Variants in TTC27 observed in about 807,000 individuals in gnomAD.
The protein encoded by TTC27 is tetratricopeptide repeat domain 27.
In TTC27, 79 loss-of-function variants were observed where a neutral mutation model predicts 115.9. The ratio of observed to expected loss-of-function variants is 0.68; its 90% CI spans 0.57 to 0.82. TTC27 has a LOEUF of 0.82. Ranked by LOEUF, TTC27 falls within the 40% of genes least tolerant of loss-of-function variation. TTC27 has a pLI of 0.00. For synonymous variants in TTC27, 401 were observed against 356.0 expected, an observed-to-expected ratio of 1.13 and a Z score of -1.42; for missense variants, 1,054 against 993.1, an observed-to-expected ratio of 1.06 and a Z score of -0.82.
At chr2:32,702,733 A>G in intron 9 of TTC27, 74 bp from the exon 10 acceptor site, 1 of 947,356 alleles carries the variant, frequency 1.1e-6, no homozygotes, top group South Asian at 1.4e-5. Context: ...TGGAAGAATT[A>G]ATTTTGTCCT....
intron 19 of TTC27, among the ~76,000 whole-genome samples, chr2:32,820,114 T>C (rs1449610785): frequency 6.6e-6 from 1 of 152,236 alleles, no homozygotes; most frequent in Non-Finnish European, 1.5e-5. Context: ...ATGATATTTC[T>C]GAATAAAACA....
chr2:32,762,537 A>G (rs1288559200), intron 13 of TTC27, among the ~76,000 whole-genome samples: 1 of 152,094 alleles, frequency 6.6e-6, no homozygotes, highest in African/African-American at 2.4e-5. Context: ...GTAAAGAGGT[A>G]ATTCAGGAAT....
intron 16 of TTC27, among the ~76,000 whole-genome samples, chr2:32,794,638 A>G (rs1360666010): frequency 2.0e-5 from 3 of 152,226 alleles, no homozygotes; most frequent in Admixed American, 1.3e-4. Context: ...AGAAAAATCA[A>G]TGAAACTAAA....
chr2:32,640,309 C>G lies in TTC27; in HGVS notation c.436C>G (p.Leu146Val). The G allele has an allele frequency of 1.9e-6, 3 of 1,614,050 alleles. No individual in the cohort carries two copies. The highest frequency in any genetic ancestry group is 2.5e-6 in the Non-Finnish European group (3 of 1,179,978). ...TGCATTTGTTCTGAGCCTGCTCACTCTAGATGGTGAATCAATCTACAGCCT... is the reference window on the plus strand; with the variant it reads ...TGCATTTGTTCTGAGCCTGCTCACTGTAGATGGTGAATCAATCTACAGCCT... Reference protein sequence around the residue: ...LDAFVLSLLTLDGESIYSLTS... With the variant: ...LDAFVLSLLTVDGESIYSLTS... Residue 146 changes from leucine (L) to valine (V), a missense_variant, in exon 4 of 20, where the codon CTA (leucine) becomes GTA (valine). Coordinates refer to ENST00000317907, the MANE Select transcript of TTC27 (RefSeq NM_017735.5).
At chr2:32,714,761 G>C (rs1316042338) in intron 10 of TTC27, among the ~76,000 whole-genome samples, 1 of 152,018 alleles carries the variant, frequency 6.6e-6, no homozygotes, top group Non-Finnish European at 1.5e-5. Context: ...GTTATTTTGT[G>C]ACTTTTTAAT....
At chr2:32,676,263 T>A (rs1666201914) in intron 8 of TTC27, among the ~76,000 whole-genome samples, 1 of 152,074 alleles carries the variant, frequency 6.6e-6, no homozygotes, top group African/African-American at 2.4e-5. Context: ...ACCTGAGGTA[T>A]GAATGCTTGT....
chr2:32,732,806 T>C (rs982801425), intron 10 of TTC27, among the ~76,000 whole-genome samples: 4 of 152,142 alleles, frequency 2.6e-5, no homozygotes, highest in Non-Finnish European at 5.9e-5. Context: ...GAAATTAACA[T>C]TGACTTTTCA....
At chr2:32,705,105 C>T in intron 10 of TTC27, 1 of 338,412 alleles carries the variant, frequency 3.0e-6, no homozygotes, top group East Asian at 7.7e-5. Context: ...GGGAGCAGAC[C>T]CCTCATGAAT....
intron 12 of TTC27, 111 bp from the exon 13 acceptor site, chr2:32,758,181 A>G: frequency 2.1e-6 from 2 of 955,274 alleles, no homozygotes; most frequent in Non-Finnish European, 3.1e-6. Flanking sequence ...AGAAATCTCA[A>G]ACGTTGAAAA....
intron 12 of TTC27, among the ~76,000 whole-genome samples, chr2:32,750,784 T>C (rs1668983589): frequency 6.6e-6 from 1 of 152,216 alleles, no homozygotes. Flanking sequence ...TTAGGGGTGA[T>C]ACATCAAATG....
chr2:32,800,963 A>G (rs1032310728), intron 16 of TTC27, among the ~76,000 whole-genome samples: 2 of 152,220 alleles, frequency 1.3e-5, no homozygotes, highest in African/African-American at 4.8e-5. Context: ...GGAAAAGATC[A>G]AGAGATTTGA....
intron 16 of TTC27, among the ~76,000 whole-genome samples, chr2:32,807,894 T>C (rs1671185307): frequency 6.6e-6 from 1 of 151,836 alleles, no homozygotes; most frequent in African/African-American, 2.4e-5. Context: ...GGCCACTCCT[T>C]TTCAGTTCGA....
chr2:32,672,438 A>G (rs1666046942), intron 8 of TTC27, 54 bp downstream of exon 8: 1 of 1,309,066 alleles, frequency 7.6e-7, no homozygotes, highest in Non-Finnish European at 1.1e-6. Context: ...TGATTCTCTT[A>G]TGTGTGGAGA....
chr2:32,659,461 T>C (rs1665453977), intron 5 of TTC27, among the ~76,000 whole-genome samples: 1 of 152,090 alleles, frequency 6.6e-6, no homozygotes, highest in Non-Finnish European at 1.5e-5. Flanking sequence ...ATGTGTACAT[T>C]TTCACGCCAT....
intron 10 of TTC27, among the ~76,000 whole-genome samples, chr2:32,725,989 C>G (rs892325124): frequency 5.3e-5 from 8 of 152,226 alleles, no homozygotes; most frequent in Admixed American, 2.0e-4. Flanking sequence ...GGTTCAAGCT[C>G]TACATTGGCC....
intron 12 of TTC27, among the ~76,000 whole-genome samples, chr2:32,755,107 G>A (rs1255158492): frequency 2.0e-5 from 3 of 151,910 alleles, no homozygotes; most frequent in Non-Finnish European, 2.9e-5. Context: ...ATGGGATGGC[G>A]GGCGGGCAGA....
chr2:32,772,799 C>T (rs999446050), intron 13 of TTC27, among the ~76,000 whole-genome samples: 17 of 152,134 alleles, frequency 1.1e-4, no homozygotes, highest in African/African-American at 3.4e-4. Context: ...CTTATTTTGC[C>T]ACTAGATGGC....
rs550349404 is a variant in TTC27, at chr2:32,636,359, G to A, written c.396+2354G>A. Among the ~76,000 whole-genome samples, 164 of 152,198 alleles carry A rather than the reference G, an allele frequency of 1.1e-3. 3 individuals are homozygous for A. Among genetic ancestry groups the A allele is most frequent in the Non-Finnish European group, 2.0e-3 (139 of 68,018 alleles). ...CTCCCAAGCAGCTGGGACTACAGGT[G>A]CTCACCACCACGCCCGGCTAATTTT... is the stretch of plus-strand genomic sequence containing the variant. On this transcript the variant is annotated intron_variant, in intron 3 of 19. Coordinates refer to ENST00000317907, the MANE Select transcript of TTC27 (RefSeq NM_017735.5).
intron 5 of TTC27, among the ~76,000 whole-genome samples, chr2:32,655,035 C>T (rs1346908206): frequency 2.0e-5 from 3 of 150,954 alleles, no homozygotes; most frequent in Non-Finnish European, 4.4e-5. Context: ...GTCACCCAGG[C>T]TGGAGTGCAA....
Sources: allele counts gnomAD v4.1 joint callset (sites outside exome capture counted in the v4.1 genomes callset), GRCh38; gene constraint gnomAD v4.1.1; transcripts MANE v1.5; gene names NCBI Gene and HGNC (gene_info 2026-07-23, HGNC 2026-07-21).